Variants in MEI4 observed in about 807,000 individuals in gnomAD.
The protein encoded by MEI4 is meiotic double-stranded break formation protein 4, also known as meiosis-specific protein MEI4.
A neutral mutation model predicts 31.4 loss-of-function variants in MEI4; 27 were observed. That is an observed-to-expected ratio of 0.86 (90% CI 0.63 to 1.19). MEI4 has a LOEUF of 1.19. Among genes scored for constraint, MEI4 ranks in the 50% most tolerant of loss-of-function variants. The pLI is 0.00. For missense variants in MEI4, 329 were observed against 398.9 expected (o/e 0.82, Z 1.49); for synonymous variants, 122 against 145.4 (o/e 0.84, Z 1.16).
chr6:77,730,178 A>T (rs377610262), intron 2 of MEI4, among the ~76,000 whole-genome samples: 19 of 152,226 alleles, frequency 1.2e-4, no homozygotes, highest in African/African-American at 4.6e-4. Flanking sequence ...TGGCGTGTAC[A>T]GTGTATAGGG....
chr6:77,908,900 T>C (rs1766363670), intron 4 of MEI4, among the ~76,000 whole-genome samples: 1 of 152,010 alleles, frequency 6.6e-6, no homozygotes, highest in South Asian at 2.1e-4. Flanking sequence ...CACACAGTAA[T>C]AATGGGAGAC....
At chr6:77,749,565 G>T (rs926660565) in intron 2 of MEI4, among the ~76,000 whole-genome samples, 1 of 152,072 alleles carries the variant, frequency 6.6e-6, no homozygotes, top group Non-Finnish European at 1.5e-5. Context: ...AACAAGATTA[G>T]AGAAAAAAGA....
At chr6:77,754,889 T>C (rs1767872389) in intron 2 of MEI4, among the ~76,000 whole-genome samples, 1 of 152,132 alleles carries the variant, frequency 6.6e-6, no homozygotes, top group African/African-American at 2.4e-5. Flanking sequence ...ACCCCCATGA[T>C]CCAATCACCT....
chr6:77,787,052 T>C (rs1405014546), intron 3 of MEI4, among the ~76,000 whole-genome samples: 5 of 152,166 alleles, frequency 3.3e-5, no homozygotes, highest in Non-Finnish European at 7.4e-5. Context: ...GCTCCAGCCC[T>C]TCTCAGATGT....
At chr6:77,713,203 C>G (rs951847898) in intron 2 of MEI4, among the ~76,000 whole-genome samples, 5 of 152,070 alleles carry the variant, frequency 3.3e-5, no homozygotes, top group Non-Finnish European at 7.4e-5. Flanking sequence ...ATGAGGATGA[C>G]AATGGTTTGG....
intron 4 of MEI4, among the ~76,000 whole-genome samples, chr6:77,842,664 A>G (rs1770393386): frequency 6.6e-6 from 1 of 152,066 alleles, no homozygotes; most frequent in Non-Finnish European, 1.5e-5. Context: ...TCTTCTTCCA[A>G]ATTATAAGCA....
At chr6:77,887,830 G>T (rs948663689) in intron 4 of MEI4, among the ~76,000 whole-genome samples, 1 of 152,052 alleles carries the variant, frequency 6.6e-6, no homozygotes, top group Non-Finnish European at 1.5e-5. Context: ...TTAGTTGATT[G>T]TCTCTCTAAA....
intron 2 of MEI4, among the ~76,000 whole-genome samples, chr6:77,750,365 T>A (rs1466206062): frequency 6.6e-6 from 1 of 152,170 alleles, no homozygotes; most frequent in South Asian, 2.1e-4. Context: ...TGTGTTGTAT[T>A]CAGGAGACCC....
intron 2 of MEI4, among the ~76,000 whole-genome samples, chr6:77,731,042 G>C (rs1178884909): frequency 3.3e-5 from 5 of 151,862 alleles, no homozygotes; most frequent in African/African-American, 1.2e-4. Flanking sequence ...GGACATTTGG[G>C]TTGGTTCCAA....
chr6:77,743,869 G>A (rs1767497104), intron 2 of MEI4, among the ~76,000 whole-genome samples: 1 of 152,232 alleles, frequency 6.6e-6, no homozygotes, highest in Non-Finnish European at 1.5e-5. Flanking sequence ...GGTGTGCAGT[G>A]GACCTCTAGC....
At chr6:77,903,716 T>G (rs1766232531) in intron 4 of MEI4, among the ~76,000 whole-genome samples, 1 of 152,174 alleles carries the variant, frequency 6.6e-6, no homozygotes, top group Admixed American at 6.6e-5. Context: ...CCCTTCTATC[T>G]AATTCATTGA....
intron 4 of MEI4, among the ~76,000 whole-genome samples, chr6:77,841,505 A>C (rs1770364267): frequency 6.6e-6 from 1 of 150,608 alleles, no homozygotes; most frequent in African/African-American, 2.5e-5. Flanking sequence ...ACTCGTGGCT[A>C]ATTTTTCTGT....
chr6:77,729,463 A>T lies in MEI4; in HGVS notation c.233-31667A>T, dbSNP rs950253777. 3.3e-5 allele frequency among the ~76,000 whole-genome samples: 5 copies of T among 152,314 alleles called. 1 individual carries two copies. In the South Asian group the frequency reaches 1.0e-3, roughly 32 times the overall value. ...GTGATTCTGATGTGTTTGGCATAGG[A>T]TGTGGGTTAGTATTGGTGTTTTCCA... On this transcript the variant is annotated intron_variant, in intron 2 of 4. Transcript: ENST00000684080.
intron 4 of MEI4, among the ~76,000 whole-genome samples, chr6:77,866,771 C>G (rs571308823): frequency 6.6e-6 from 1 of 152,308 alleles, no homozygotes; most frequent in South Asian, 2.1e-4. Flanking sequence ...CAAGTCAATT[C>G]TAAGTCAAAA....
At chr6:77,764,554 A>G (rs1008547458) in intron 3 of MEI4, among the ~76,000 whole-genome samples, 8 of 152,208 alleles carry the variant, frequency 5.3e-5, no homozygotes, top group Non-Finnish European at 1.0e-4. Flanking sequence ...GAACATCCAG[A>G]CAGAAAAATC....
At chr6:77,794,821 C>T (rs147260312) in intron 3 of MEI4, among the ~76,000 whole-genome samples, 15 of 152,046 alleles carry the variant, frequency 9.9e-5, no homozygotes, top group South Asian at 8.3e-4. Flanking sequence ...ACTTTCTTCA[C>T]GATAGATTAT....
chr6:77,867,189 A>G (rs1771055560), intron 4 of MEI4, among the ~76,000 whole-genome samples: 1 of 152,342 alleles, frequency 6.6e-6, no homozygotes, highest in African/African-American at 2.4e-5. Context: ...GTAAAACACC[A>G]AAAGCAATGG....
chr6:77,664,074 G>A (rs1371518465), intron 1 of MEI4, among the ~76,000 whole-genome samples: 4 of 152,196 alleles, frequency 2.6e-5, no homozygotes, highest in South Asian at 2.1e-4. Flanking sequence ...CGATTCAGGC[G>A]TTTGGAAGTT....
At chr6:77,884,543 T>G (rs1771576379) in intron 4 of MEI4, among the ~76,000 whole-genome samples, 2 of 152,180 alleles carry the variant, frequency 1.3e-5, no homozygotes, top group Non-Finnish European at 2.9e-5. Context: ...TCATGAGAGA[T>G]AGGGGTTTGG....
Sources: allele counts gnomAD v4.1 joint callset (sites outside exome capture counted in the v4.1 genomes callset), GRCh38; gene constraint gnomAD v4.1.1; transcripts MANE v1.5; gene names NCBI Gene and HGNC (gene_info 2026-07-23, HGNC 2026-07-21).